Variants in EXOC6 observed in about 807,000 individuals in gnomAD.
EXOC6 encodes the protein exocyst complex component 6, also known as SEC15-like 1.
In EXOC6, 60 loss-of-function variants were observed where a neutral mutation model predicts 112.5. The observed-to-expected ratio is 0.53, with a 90% CI of 0.43 to 0.66. The LOEUF is 0.66. EXOC6 is among the 30% of genes least tolerant of loss of function. EXOC6 has a pLI of 0.00. For missense variants in EXOC6, 855 were observed against 957.1 expected (o/e 0.89, Z 1.41); for synonymous variants, 295 against 308.0 (o/e 0.96, Z 0.44).
intron 18 of EXOC6, among the ~76,000 whole-genome samples, chr10:92,974,614 G>C (rs535513900): frequency 4.7e-5 from 7 of 149,622 alleles, no homozygotes; most frequent in African/African-American, 1.7e-4. Context: ...CTCTGATGCC[G>C]AGCCGAAGCT....
At chr10:92,902,765 A>G (rs1463491890) in intron 5 of EXOC6, among the ~76,000 whole-genome samples, 1 of 151,962 alleles carries the variant, frequency 6.6e-6, no homozygotes, top group African/African-American at 2.4e-5. Flanking sequence ...CCTCCTTCCA[A>G]TTTCTCCTCC....
intron 8 of EXOC6, among the ~76,000 whole-genome samples, chr10:92,923,821 T>C (rs1851569560): frequency 6.6e-6 from 1 of 152,238 alleles, no homozygotes; most frequent in Admixed American, 6.5e-5. Flanking sequence ...GAGGCTGTTT[T>C]GAAGGCTACC....
At chr10:92,918,704 G>A (rs542930533) in intron 7 of EXOC6, among the ~76,000 whole-genome samples, 35 of 152,248 alleles carry the variant, frequency 2.3e-4, no homozygotes, top group African/African-American at 6.5e-4. Flanking sequence ...GATTGTAGGC[G>A]TGAGCCACCA....
chr10:92,869,636 G>A (rs1848342885), intron 1 of EXOC6, among the ~76,000 whole-genome samples: 1 of 151,984 alleles, frequency 6.6e-6, no homozygotes, highest in African/African-American at 2.4e-5. Flanking sequence ...CATTTAATTG[G>A]TTTTTGCTCA....
chr10:92,877,811 T>A (rs1002960493), intron 1 of EXOC6, among the ~76,000 whole-genome samples: 1 of 152,208 alleles, frequency 6.6e-6, no homozygotes, highest in Non-Finnish European at 1.5e-5. Flanking sequence ...TAAATATATA[T>A]GTATATTACA....
At chr10:93,021,920 T>C (rs1380651976) in intron 20 of EXOC6, among the ~76,000 whole-genome samples, 1 of 152,224 alleles carries the variant, frequency 6.6e-6, no homozygotes, top group Non-Finnish European at 1.5e-5. Flanking sequence ...GTTTATAATC[T>C]CATTGTAGGA....
chr10:92,852,885 C>T (rs61860816), intron 1 of EXOC6, among the ~76,000 whole-genome samples: 1,719 of 152,076 alleles, frequency 0.011, 19 homozygotes, highest in Non-Finnish European at 0.017. Flanking sequence ...CACTTCTATT[C>T]AACACTGTAC....
At chr10:92,944,640 C>T (rs957294395) in intron 13 of EXOC6, among the ~76,000 whole-genome samples, 7 of 152,148 alleles carry the variant, frequency 4.6e-5, no homozygotes, top group African/African-American at 1.2e-4. Flanking sequence ...TCCTGTTTTC[C>T]ATAATGGATA....
intron 14 of EXOC6, among the ~76,000 whole-genome samples, chr10:92,949,401 A>G (rs1446979168): frequency 1.3e-5 from 2 of 152,202 alleles, no homozygotes; most frequent in African/African-American, 4.8e-5. Context: ...AAGAGGCCAG[A>G]ATAATTATTC....
chr10:92,912,411 C>A (rs1180403597), intron 6 of EXOC6, among the ~76,000 whole-genome samples: 1 of 152,042 alleles, frequency 6.6e-6, no homozygotes, highest in East Asian at 1.9e-4. Context: ...GGGTCACTGC[C>A]TTCTGGTCCC....
intron 7 of EXOC6, among the ~76,000 whole-genome samples, chr10:92,916,268 T>C (rs1319337866): frequency 6.6e-6 from 1 of 152,164 alleles, no homozygotes; most frequent in Non-Finnish European, 1.5e-5. Flanking sequence ...CCCAGCACTT[T>C]GCAAGGTTGA....
chr10:92,952,158 T>C lies in EXOC6; in HGVS notation c.1417-115T>C, dbSNP rs916029316. 4.8e-6 allele frequency: 3 copies of C among 628,348 alleles called. No homozygotes were observed. The African/African-American group carries it at 5.6e-5, about 12-fold the overall frequency. 38.9% of individuals were successfully genotyped at this position (628,348 alleles called of 1,614,324 possible). The stretch of plus-strand genomic sequence containing the variant: ...AAAAATGTAGAAATATAACAGAGTT[T>C]TTGATGCAGGTATTTGCTATTCAAG... On this transcript the variant is annotated intron_variant, in intron 14 of 21. Coordinates refer to ENST00000260762, the MANE Select transcript of EXOC6 (RefSeq NM_019053.6).
At chr10:92,843,716 G>C (rs947149358), upstream of EXOC6, among the ~76,000 whole-genome samples, 1 of 152,092 alleles carries the variant, frequency 6.6e-6, no homozygotes, top group Non-Finnish European at 1.5e-5. Flanking sequence ...GTGGGCCGTC[G>C]CGGTGGCTCC....
chr10:93,012,047 C>T (rs1844274336), intron 19 of EXOC6, among the ~76,000 whole-genome samples: 1 of 152,028 alleles, frequency 6.6e-6, no homozygotes, highest in Non-Finnish European at 1.5e-5. Flanking sequence ...GAACCAAGAA[C>T]AAAGGGGGAA....
intron 20 of EXOC6, among the ~76,000 whole-genome samples, chr10:93,054,549 A>G (rs1022568246): frequency 7.9e-5 from 12 of 152,246 alleles, no homozygotes; most frequent in Non-Finnish European, 1.3e-4. Flanking sequence ...TGCACATAAG[A>G]GATTTGCATA....
upstream of EXOC6, among the ~76,000 whole-genome samples, chr10:92,832,386 G>A (rs146967008): frequency 1.9e-3 from 285 of 151,394 alleles, no homozygotes; most frequent in African/African-American, 6.3e-3. Context: ...CAAGCGATTC[G>A]CCTGCCTCAG....
intron 20 of EXOC6, among the ~76,000 whole-genome samples, chr10:93,019,152 G>T (rs1590053053): frequency 6.6e-6 from 1 of 151,922 alleles, no homozygotes; most frequent in Non-Finnish European, 1.5e-5. Flanking sequence ...GCTAGTTTTT[G>T]TATTTTTGGT....
At chr10:93,002,098 T>G (rs1372881490) in intron 19 of EXOC6, among the ~76,000 whole-genome samples, 1 of 152,160 alleles carries the variant, frequency 6.6e-6, no homozygotes, top group Non-Finnish European at 1.5e-5. Flanking sequence ...TACTTCCAAA[T>G]CATTGAAGCT....
intron 1 of EXOC6, among the ~76,000 whole-genome samples, chr10:92,886,159 AC>A (rs1291244000): frequency 6.6e-6 from 1 of 152,234 alleles, no homozygotes; most frequent in Non-Finnish European, 1.5e-5. Flanking sequence ...CTATAAACCA[AC>A]TAGGCTCAAA....
Sources: allele counts gnomAD v4.1 joint callset (sites outside exome capture counted in the v4.1 genomes callset), GRCh38; gene constraint gnomAD v4.1.1; transcripts MANE v1.5; gene names NCBI Gene and HGNC (gene_info 2026-07-23, HGNC 2026-07-21).